Variants in TRPM7 observed in about 807,000 individuals in gnomAD.
TRPM7 encodes the protein LTRPC ion channel family member 7.
A neutral mutation model predicts 229.7 loss-of-function variants in TRPM7; 134 were observed. That is an observed-to-expected ratio of 0.58 (90% CI 0.51 to 0.67). TRPM7 has a LOEUF of 0.67. TRPM7 is among the 30% of genes least tolerant of loss of function. The pLI, the probability that TRPM7 is intolerant of heterozygous loss-of-function variation, is 0.00. For missense variants in TRPM7, 1,901 were observed against 2,210.0 expected, an observed-to-expected ratio of 0.86 and a Z score of 2.80; for synonymous variants, 699 against 715.2, an observed-to-expected ratio of 0.98 and a Z score of 0.36.
Position 50,632,889 on chromosome 15 carries a change from A to G in TRPM7, c.1111T>C (p.Cys371Arg). Reference protein sequence around the residue: ...ALHLFQTLMECMKRKELITVF... With the variant: ...ALHLFQTLMERMKRKELITVF... ...CTTACAAGCTCCTTTCTTTTCATGCACTCCATCAGTGTTTGAAATAAATGA... is the reference window on the plus strand; with the variant it reads ...CTTACAAGCTCCTTTCTTTTCATGCGCTCCATCAGTGTTTGAAATAAATGA... Residue 371 changes from cysteine (C) to arginine (R), a missense_variant, in exon 9 of 39, where the codon TGC becomes CGC. Physicochemically the swap from Cys to Arg is radical, Grantham distance 180 (BLOSUM62 -3). Around this residue, in one of 8 missense-constraint regions of TRPM7, gnomAD observed 794 missense variants for 881.9 expected, o/e 0.90. Coordinates refer to ENST00000646667, the MANE Select transcript of TRPM7 (RefSeq NM_017672.6). The G allele has an allele frequency of 6.5e-7, 1 of 1,540,752 alleles. No individual in the cohort carries two copies. The highest frequency in any genetic ancestry group is 8.7e-7 in the Non-Finnish European group (1 of 1,150,426).
chr15:50,656,754 T>C (rs934250550), intron 3 of TRPM7, among the ~76,000 whole-genome samples: 9 of 152,156 alleles, frequency 5.9e-5, no homozygotes, highest in African/African-American at 2.2e-4. Context: ...CTTCTCTTCT[T>C]CCTCTTATAC....
At chr15:50,666,017 G>T (rs1251465878) in intron 1 of TRPM7, among the ~76,000 whole-genome samples, 1 of 151,768 alleles carries the variant, frequency 6.6e-6, no homozygotes, top group South Asian at 2.1e-4. Context: ...TAAAAAAAAG[G>T]CTGAAAATTA....
intron 19 of TRPM7, among the ~76,000 whole-genome samples, chr15:50,608,052 CAAAA>C (rs570861548): frequency 3.9e-5 from 3 of 76,274 alleles, no homozygotes; most frequent in Admixed American, 1.4e-4. Context: ...GAGACTCTGT[CAAAA>C]AAAAAAAAAA....
At chr15:50,662,914 TA>T in intron 2 of TRPM7, 52 bp downstream of exon 2, 1 of 1,272,698 alleles carries the variant, frequency 7.9e-7, no homozygotes, top group Non-Finnish European at 1.1e-6. Flanking sequence ...AATAACAATA[TA>T]ATTTACACTA....
At chr15:50,640,515 G>A (rs952446415) in intron 5 of TRPM7, among the ~76,000 whole-genome samples, 1 of 150,292 alleles carries the variant, frequency 6.7e-6, no homozygotes, top group Non-Finnish European at 1.5e-5. Context: ...TGAACTCCTG[G>A]GCTCAAGTGA....
chr15:50,602,659 G>A (rs996290444), intron 21 of TRPM7, among the ~76,000 whole-genome samples: 11 of 152,130 alleles, frequency 7.2e-5, no homozygotes, highest in Admixed American at 2.6e-4. Flanking sequence ...GTTCCACGAA[G>A]ATCTGGACCA....
At position 50,596,201 on chromosome 15, in the gene TRPM7, T is replaced by C. The variant is rs199837451; in HGVS notation, c.3290+54A>G. The C allele has an allele frequency of 1.2e-3, 1,475 of 1,241,820 alleles. 2 individuals are homozygous for C. Among genetic ancestry groups the C allele is most frequent in the Non-Finnish European group, 1.5e-3 (1,380 of 933,074 alleles). 76.9% of individuals were successfully genotyped at this position (1,241,820 alleles called of 1,614,324 possible). A position where few individuals can be genotyped will look rare whatever the true frequency, so the allele number is the denominator to read the frequency against. ...AGTTCTATAAATTTCCTTCAAAATA[T>C]GTAGAATTGCATATTAAATCATCTT... is the stretch of plus-strand genomic sequence containing the variant. On this transcript the variant is annotated intron_variant, in intron 23 of 38. Transcript: ENST00000646667.
intron 6 of TRPM7, among the ~76,000 whole-genome samples, chr15:50,638,154 T>C (rs945334680): frequency 2.6e-5 from 4 of 151,246 alleles, no homozygotes; most frequent in Non-Finnish European, 5.9e-5. Flanking sequence ...GGTCAGGAGA[T>C]CGAGACCATC....
rs771145671 is a variant in TRPM7, at chr15:50,624,305, G to A, written c.1306-5C>T. ...AGCTTGTTCCAAGGATCCAACCTAGGAGTATCAAATTTAATAAATACATAT... is the reference window on the plus strand; with the variant it reads ...AGCTTGTTCCAAGGATCCAACCTAGAAGTATCAAATTTAATAAATACATAT... On this transcript the variant is annotated splice_region_variant and splice_polypyrimidine_tract_variant and intron_variant, in intron 11 of 38. Transcript: ENST00000646667. The A allele has an allele frequency of 2.3e-5, 36 of 1,575,880 alleles. No individual in the cohort carries two copies. The highest frequency in any genetic ancestry group is 4.1e-5 in the African/African-American group (3 of 72,968).
chr15:50,686,459 C>A, intron 1 of TRPM7, 72 bp downstream of exon 1: 1 of 1,613,254 alleles, frequency 6.2e-7, no homozygotes, highest in East Asian at 2.2e-5. Context: ...CACACACTTG[C>A]CTGCCAAGTC....
chr15:50,568,078 C>CA (rs539803278), intron 38 of TRPM7, among the ~76,000 whole-genome samples: 1,032 of 60,826 alleles, frequency 0.017, 25 homozygotes, highest in African/African-American at 0.066. Context: ...GACTCCGTCT[C>CA]AAAAAAAAAA....
At chr15:50,660,816 G>A (rs902715770) in intron 2 of TRPM7, among the ~76,000 whole-genome samples, 7 of 152,020 alleles carry the variant, frequency 4.6e-5, no homozygotes, top group Admixed American at 4.6e-4. Context: ...ATAACCTAAG[G>A]GGGGAAAATC....
At chr15:50,681,721 T>C (rs768519495) in intron 1 of TRPM7, among the ~76,000 whole-genome samples, 29 of 152,220 alleles carry the variant, frequency 1.9e-4, no homozygotes, top group Non-Finnish European at 3.4e-4. Flanking sequence ...AAGGTTAAGG[T>C]TTCCAGAAGT....
At chr15:50,658,824 T>G (rs896860589) in intron 2 of TRPM7, among the ~76,000 whole-genome samples, 2 of 152,130 alleles carry the variant, frequency 1.3e-5, no homozygotes, top group Non-Finnish European at 2.9e-5. Flanking sequence ...CAAAAGAAAG[T>G]GAAAATAGCT....
At chr15:50,605,245 T>C in intron 20 of TRPM7, 101 bp from the exon 21 acceptor site, 1 of 1,029,668 alleles carries the variant, frequency 9.7e-7, no homozygotes, top group Non-Finnish European at 1.4e-6. Context: ...TCACATAGCT[T>C]TTATTTATTA....
intron 1 of TRPM7, among the ~76,000 whole-genome samples, chr15:50,684,287 G>A (rs1363740424): frequency 6.6e-6 from 1 of 151,862 alleles, no homozygotes. Context: ...TGAGTAGCTA[G>A]GATTACCACG....
intron 4 of TRPM7, among the ~76,000 whole-genome samples, chr15:50,647,548 A>G (rs919556287): frequency 5.3e-5 from 8 of 152,254 alleles, no homozygotes; most frequent in African/African-American, 1.9e-4. Context: ...GATGGAGACC[A>G]TCCTGGCTAA....
At chr15:50,575,650 A>G (rs2054095364) in intron 33 of TRPM7, 74 bp downstream of exon 33, 1 of 1,286,378 alleles carries the variant, frequency 7.8e-7, no homozygotes, top group African/African-American at 1.5e-5. Flanking sequence ...AATCCCACCC[A>G]CATTCTATAT....
chr15:50,570,923 ACACATAT>A (rs1355416008), intron 36 of TRPM7, among the ~76,000 whole-genome samples: 1 of 152,106 alleles, frequency 6.6e-6, no homozygotes, highest in African/African-American at 2.4e-5. Flanking sequence ...ACACACATTA[ACACATAT>A]CACATTTTCT....
Sources: gnomAD v4.1 joint callset for allele counts (sites outside exome capture counted in the v4.1 genomes callset) on GRCh38, gnomAD v4.1.1 for gene constraint, gnomAD v4.1.1 regional missense constraint, MANE v1.5 for transcripts, NCBI Gene and HGNC (gene_info 2026-07-23, HGNC 2026-07-21) for gene names.